The following PRH1 variants were observed in gnomAD, a reference collection of about 807,000 sequenced individuals.
PRH1 encodes the protein proline rich protein HaeIII subfamily 1.
Under a neutral mutation model 7.9 loss-of-function variants are expected in PRH1, and 7 were observed. The observed-to-expected ratio is 0.89, with a 90% CI of 0.50 to 1.67. The LOEUF (loss-of-function observed/expected upper bound fraction) is 1.67. PRH1 is among the 40% of genes most tolerant of loss of function. The pLI is 0.00. For synonymous variants in PRH1, 45 were observed against 80.8 expected (o/e 0.56, Z 2.38); for missense variants, 109 against 223.6 (o/e 0.49, Z 3.27).
intron 2 of PRH1, among the ~76,000 whole-genome samples, chr12:10,920,911 G>A (rs1160085537): frequency 6.6e-6 from 1 of 151,592 alleles, no homozygotes; most frequent in Non-Finnish European, 1.5e-5. Flanking sequence ...ACTTGGTTTG[G>A]GTATTTATCT....
intron 1 of PRH1, among the ~76,000 whole-genome samples, chr12:11,128,931 T>C (rs537967801): frequency 7.9e-5 from 12 of 152,320 alleles, no homozygotes; most frequent in African/African-American, 2.4e-4. Flanking sequence ...TCCACCTTTT[T>C]TTTTGTTCTG....
intron 1 of PRH1, among the ~76,000 whole-genome samples, chr12:10,976,392 T>C (rs1230566130): frequency 2.0e-5 from 3 of 152,126 alleles, no homozygotes; most frequent in Non-Finnish European, 4.4e-5. Flanking sequence ...AGATACAACA[T>C]ACCAGAATTT....
intron 1 of PRH1, among the ~76,000 whole-genome samples, chr12:11,005,734 C>T (rs753715272): frequency 2.6e-5 from 4 of 151,986 alleles, no homozygotes; most frequent in African/African-American, 9.7e-5. Context: ...TTGAAATAGC[C>T]CTATTTTCCC....
Position 11,078,022 on chromosome 12 carries a change from G to C in PRH1, n.124-30834C>G, listed in dbSNP as rs538007372. On this transcript the variant is annotated intron_variant and non_coding_transcript_variant, in intron 1 of 4. Transcript: ENST00000541977. ...AGCTCCTACTTCTGAACTATATAAAGCTGAATTAAACACATTTGCATACCA... is the reference window on the plus strand; with the variant it reads ...AGCTCCTACTTCTGAACTATATAAACCTGAATTAAACACATTTGCATACCA... 4.3e-5 allele frequency: 31 copies of C among 713,462 alleles called. No individual in the cohort carries two copies. In the East Asian group the frequency reaches 7.5e-4, roughly 17 times the overall value. The allele number at this position is 713,462 out of a possible 1,614,324, so 44.2% of individuals were successfully genotyped here.
At chr12:10,968,940 GCGGCT>G (rs1338348607) in intron 2 of PRH1, among the ~76,000 whole-genome samples, 6 of 152,248 alleles carry the variant, frequency 3.9e-5, no homozygotes, top group South Asian at 2.1e-4. Context: ...TTCGCTTGAG[GCGGCT>G]GCCTCTTGCC....
chr12:10,982,317 T>C (rs1939395364), intron 1 of PRH1, among the ~76,000 whole-genome samples: 1 of 152,184 alleles, frequency 6.6e-6, no homozygotes, highest in Non-Finnish European at 1.5e-5. Context: ...CGGTCGTCCA[T>C]TTTATATCTT....
intron 1 of PRH1, among the ~76,000 whole-genome samples, chr12:11,074,322 C>T (rs1224323681): frequency 6.6e-6 from 1 of 151,648 alleles, no homozygotes; most frequent in Non-Finnish European, 1.5e-5. Flanking sequence ...ACCTTTGGAG[C>T]AGAAAGTGGA....
chr12:11,025,958 C>A (rs1212602224), intron 1 of PRH1, among the ~76,000 whole-genome samples: 1 of 20,568 alleles, frequency 4.9e-5, no homozygotes, highest in African/African-American at 7.0e-5. Context: ...GTGTTTTTGA[C>A]TTTTGGAGTT....
chr12:11,028,467 C>T (rs1050699306), intron 1 of PRH1, among the ~76,000 whole-genome samples: 2 of 152,198 alleles, frequency 1.3e-5, no homozygotes, highest in Admixed American at 6.5e-5. Context: ...ACATTTGTTC[C>T]GGTCTCAATT....
chr12:10,913,084 C>G (rs1949923429), intron 2 of PRH1, among the ~76,000 whole-genome samples: 1 of 152,282 alleles, frequency 6.6e-6, no homozygotes, highest in Middle Eastern at 3.4e-3. Flanking sequence ...CTGATGAGTG[C>G]ATAGAGCGTT....
rs1947613744 is a variant in PRH1, at chr12:11,167,433, G to C, written n.39+3989C>G. 3.3e-5 allele frequency among the ~76,000 whole-genome samples: 5 copies of C among 150,882 alleles called. No individual in the cohort carries two copies. In the South Asian group the frequency reaches 1.0e-3, roughly 31 times the overall value. On this transcript the variant is annotated intron_variant and non_coding_transcript_variant, in intron 1 of 1. Coordinates refer to the PRH1 transcript ENST00000541175. The stretch of plus-strand genomic sequence containing the variant: ...TGAAACAATTCATGTCTCCTATTTG[G>C]AAAGGCTTGTAATTTTTTTTTTTTT...
intron 1 of PRH1, chr12:11,134,428 G>A: frequency 1.5e-6 from 1 of 686,072 alleles, no homozygotes; most frequent in African/African-American, 1.8e-5. Context: ...TAATGGATAA[G>A]TTCAATGCTC....
intron 2 of PRH1, among the ~76,000 whole-genome samples, chr12:10,939,862 A>G (rs1340158655): frequency 1.3e-5 from 2 of 152,126 alleles, no homozygotes; most frequent in Non-Finnish European, 2.9e-5. Context: ...CACCATAAAA[A>G]AATATTTGTT....
intron 2 of PRH1, among the ~76,000 whole-genome samples, chr12:10,950,227 A>T (rs1950548503): frequency 6.6e-6 from 1 of 152,098 alleles, no homozygotes; most frequent in South Asian, 2.1e-4. Context: ...TTTCATATGT[A>T]TTCCAGTAGG....
intron 1 of PRH1, among the ~76,000 whole-genome samples, chr12:11,060,367 T>C (rs909133544): frequency 6.6e-6 from 1 of 152,156 alleles, no homozygotes; most frequent in African/African-American, 2.4e-5. Context: ...TATACTATTT[T>C]TACATTGATA....
intron 1 of PRH1, among the ~76,000 whole-genome samples, chr12:11,028,681 C>T (rs1401785697): frequency 1.3e-5 from 2 of 152,122 alleles, no homozygotes; most frequent in Non-Finnish European, 2.9e-5. Flanking sequence ...AATACATATT[C>T]AAATAGACCA....
intron 1 of PRH1, chr12:11,079,294 C>G (rs191825642): frequency 8.7e-6 from 1 of 115,056 alleles, no homozygotes; most frequent in African/African-American, 2.9e-5. Context: ...GTAGACTTTA[C>G]GCAGAGATTT....
intron 2 of PRH1, among the ~76,000 whole-genome samples, chr12:10,941,893 C>G (rs1036732523): frequency 6.6e-6 from 1 of 152,104 alleles, no homozygotes; most frequent in Non-Finnish European, 1.5e-5. Context: ...GTTGTTTAGA[C>G]TTTTTTGTTC....
At chr12:10,915,836 G>T (rs972295753) in intron 2 of PRH1, among the ~76,000 whole-genome samples, 13 of 152,196 alleles carry the variant, frequency 8.5e-5, no homozygotes, top group African/African-American at 2.6e-4. Context: ...TCCCCATCGC[G>T]TTCCCTCGGT....
Sources: gnomAD v4.1 joint callset for allele counts (sites outside exome capture counted in the v4.1 genomes callset) on GRCh38, gnomAD v4.1.1 for gene constraint, MANE v1.5 for transcripts, NCBI Gene and HGNC (gene_info 2026-07-23, HGNC 2026-07-21) for gene names.